The following SHISA6 variants were observed in gnomAD, a reference collection of about 807,000 sequenced individuals.
SHISA6 encodes shisa family member 6.
A neutral mutation model predicts 47.9 loss-of-function variants in SHISA6; 22 were observed. The ratio of observed to expected loss-of-function variants is 0.46; its 90% CI spans 0.33 to 0.66. SHISA6 has a LOEUF of 0.66. Among genes scored for constraint, SHISA6 ranks in the 30% least tolerant of loss-of-function variants. The pLI is 0.02. For missense variants in SHISA6, 680 were observed against 764.6 expected, an observed-to-expected ratio of 0.89 and a Z score of 1.30; for synonymous variants, 388 against 337.8, an observed-to-expected ratio of 1.15 and a Z score of -1.63.
chr17:11,367,579 A>G (rs1255154509), intron 2 of SHISA6, among the ~76,000 whole-genome samples: 1 of 152,166 alleles, frequency 6.6e-6, no homozygotes, highest in African/African-American at 2.4e-5. Flanking sequence ...TCTCAATTCT[A>G]AGAGACCCTG....
intron 2 of SHISA6, among the ~76,000 whole-genome samples, chr17:11,376,639 A>G (rs1488291005): frequency 6.6e-6 from 1 of 152,058 alleles, no homozygotes; most frequent in Non-Finnish European, 1.5e-5. Flanking sequence ...CTTCCCTTTT[A>G]ACCAGCCCTT....
chr17:11,304,568 T>C, intron 2 of SHISA6, among the ~76,000 whole-genome samples: 1 of 151,746 alleles, frequency 6.6e-6, no homozygotes, highest in East Asian at 1.9e-4. Context: ...TTTGAGCTGA[T>C]TGGAGAGGAA....
At chr17:11,424,519 G>A (rs1213276524) in intron 3 of SHISA6, among the ~76,000 whole-genome samples, 1 of 151,872 alleles carries the variant, frequency 6.6e-6, no homozygotes, top group Non-Finnish European at 1.5e-5. Context: ...AACAGGATAT[G>A]TACAATACTA....
chr17:11,342,938 G>T (rs774430308), intron 2 of SHISA6, among the ~76,000 whole-genome samples: 1 of 152,170 alleles, frequency 6.6e-6, no homozygotes, highest in Non-Finnish European at 1.5e-5. Context: ...GGGACCTTGG[G>T]ACTTCTTGTT....
intron 3 of SHISA6, among the ~76,000 whole-genome samples, chr17:11,458,372 C>T (rs1915604572): frequency 6.6e-6 from 1 of 152,186 alleles, no homozygotes; most frequent in African/African-American, 2.4e-5. Flanking sequence ...TCTTCACTCT[C>T]CCCTCCCCTG....
At chr17:11,282,067 G>A (rs970098969) in intron 2 of SHISA6, among the ~76,000 whole-genome samples, 1 of 152,150 alleles carries the variant, frequency 6.6e-6, no homozygotes, top group African/African-American at 2.4e-5. Flanking sequence ...TACATTTGTG[G>A]CATAGGCCAA....
At chr17:11,349,532 A>G (rs1430011939) in intron 2 of SHISA6, among the ~76,000 whole-genome samples, 1 of 152,200 alleles carries the variant, frequency 6.6e-6, no homozygotes, top group Admixed American at 6.5e-5. Flanking sequence ...TTATGGGTCA[A>G]CACTTTTGAA....
At chr17:11,243,301 AT>A (rs11448100) in intron 1 of SHISA6, among the ~76,000 whole-genome samples, 9 of 149,932 alleles carry the variant, frequency 6.0e-5, no homozygotes, top group East Asian at 4.0e-4. Flanking sequence ...AAAAGAGCTG[AT>A]TTTTTTTTTC....
intron 3 of SHISA6, among the ~76,000 whole-genome samples, chr17:11,421,957 C>T (rs1457946692): frequency 6.6e-6 from 1 of 152,106 alleles, no homozygotes; most frequent in African/African-American, 2.4e-5. Flanking sequence ...TGTCTGAAAC[C>T]ACTGCATCTT....
intron 3 of SHISA6, among the ~76,000 whole-genome samples, chr17:11,407,600 A>G (rs1329632023): frequency 6.6e-6 from 1 of 152,186 alleles, no homozygotes; most frequent in Non-Finnish European, 1.5e-5. Flanking sequence ...TTATAAAAAC[A>G]AAGTAATTCT....
intron 3 of SHISA6, among the ~76,000 whole-genome samples, chr17:11,396,257 T>C (rs1157596616): frequency 6.6e-6 from 1 of 152,246 alleles, no homozygotes; most frequent in Non-Finnish European, 1.5e-5. Flanking sequence ...ATTTTCTTAA[T>C]ATAGTATTGG....
intron 3 of SHISA6, among the ~76,000 whole-genome samples, chr17:11,481,638 G>A (rs950754944): frequency 8.6e-5 from 13 of 151,538 alleles, no homozygotes; most frequent in Non-Finnish European, 1.5e-4. Flanking sequence ...GACTACAGGC[G>A]CACACCACAA....
chr17:11,315,202 T>C (rs1163285662), intron 2 of SHISA6, among the ~76,000 whole-genome samples: 1 of 152,198 alleles, frequency 6.6e-6, no homozygotes, highest in Non-Finnish European at 1.5e-5. Context: ...TACAAGGCAT[T>C]TTATCATTTT....
chr17:11,472,455 A>C (rs1915957838), intron 3 of SHISA6, among the ~76,000 whole-genome samples: 1 of 152,100 alleles, frequency 6.6e-6, no homozygotes, highest in African/African-American at 2.4e-5. Flanking sequence ...TACCTTGGCC[A>C]CCCAAAGTGC....
At chr17:11,347,580 T>A (rs1911742811) in intron 2 of SHISA6, among the ~76,000 whole-genome samples, 1 of 152,194 alleles carries the variant, frequency 6.6e-6, no homozygotes, top group Non-Finnish European at 1.5e-5. Context: ...AACGGTGGCT[T>A]AGAAGTATTA....
intron 3 of SHISA6, among the ~76,000 whole-genome samples, chr17:11,445,899 C>T (rs1915216983): frequency 2.6e-5 from 4 of 152,224 alleles, no homozygotes; most frequent in Admixed American, 1.3e-4. Flanking sequence ...GCAATCTTGG[C>T]TCACTGCAAC....
rs2142392349 is a variant in SHISA6, at chr17:11,557,873, C to T, written c.1225C>T (p.Arg409Ter). The stretch of plus-strand genomic sequence containing the variant: ...CCAACAGAAGCCGTTGCCAAGGGAA[C>T]GACCCCGCCGGCCCATCCGGGCCAT... ...MSQQKPLPRERPRRPIRAMSQ... is the reference protein window; with the variant it reads ...MSQQKPLPRE The change falls in exon 6 of 6, where the codon CGA becomes TGA. Residue 409 changes from arginine (R) to a stop codon, truncating the protein, a stop_gained. Transcript: ENST00000441885. LOFTEE classifies it high-confidence loss of function. The T allele has an allele frequency of 3.9e-6, 6 of 1,551,418 alleles. No homozygotes were observed. The highest frequency in any genetic ancestry group is 2.4e-5 in the East Asian group (1 of 40,906).
chr17:11,332,374 T>A (rs1911152137), intron 2 of SHISA6, among the ~76,000 whole-genome samples: 1 of 152,214 alleles, frequency 6.6e-6, no homozygotes, highest in Non-Finnish European at 1.5e-5. Flanking sequence ...ACTTGCTTTC[T>A]GTCCGTCCTT....
chr17:11,487,211 G>T (rs1384214039), intron 3 of SHISA6, among the ~76,000 whole-genome samples: 1 of 152,130 alleles, frequency 6.6e-6, no homozygotes, highest in East Asian at 1.9e-4. Context: ...CCGTCGAGGG[G>T]CATCAAGAGC....
Sources: gnomAD v4.1 joint callset for allele counts (sites outside exome capture counted in the v4.1 genomes callset) on GRCh38, gnomAD v4.1.1 for gene constraint, MANE v1.5 for transcripts, NCBI Gene and HGNC (gene_info 2026-07-23, HGNC 2026-07-21) for gene names.